The following NOL4L variants were observed in gnomAD, a reference collection of about 807,000 sequenced individuals.
The protein encoded by NOL4L is nucleolar protein 4 like.
In NOL4L, 7 loss-of-function variants were observed where a neutral mutation model predicts 64.5. The observed-to-expected ratio is 0.11, with a 90% CI of 0.06 to 0.20. NOL4L has a LOEUF of 0.20. Among genes scored for constraint, NOL4L ranks in the 10% least tolerant of loss-of-function variants. The pLI is 1.00. For missense variants in NOL4L, 680 were observed against 967.1 expected (o/e 0.70, Z 3.94); for synonymous variants, 413 against 401.0 (o/e 1.03, Z -0.36).
In NOL4L at chr20:32,447,182, GAAGA is replaced by G. The variant is rs2012370163; in HGVS notation, c.*410_*413del. 1 of 463,026 alleles carries G rather than the reference GAAGA, an allele frequency of 2.2e-6. No homozygotes were observed. 28.7% of individuals were successfully genotyped at this position (463,026 alleles called of 1,614,324 possible). Reference sequence around the variant, plus strand: ...GAAAAATAAATTACTAAGGGGAGAGGAAGAAAGGGTCCACTTTGCTTTTCTCAAT... The same window carrying G: ...GAAAAATAAATTACTAAGGGGAGAGGAAGGGTCCACTTTGCTTTTCTCAAT... On this transcript the variant is annotated 3_prime_UTR_variant, in exon 11 of 11. Coordinates refer to ENST00000621426, the MANE Select transcript of NOL4L (RefSeq NM_001256798.2).
rs904954242 is a variant in NOL4L, at chr20:32,468,033, C to T, written c.841+6568G>A. On this transcript the variant is annotated intron_variant, in intron 5 of 10. Coordinates refer to ENST00000621426, the MANE Select transcript of NOL4L (RefSeq NM_001256798.2). The stretch of plus-strand genomic sequence containing the variant: ...GCAGCAGGGGCCAGGAGGTAGGAAG[C>T]CTTGGTCTTCTCACTAAGAGCTCCT... Among the ~76,000 whole-genome samples the T allele has an allele frequency of 2.0e-5, 3 of 152,180 alleles. No homozygotes were observed. In the East Asian group the frequency reaches 5.8e-4, roughly 29 times the overall value.
intron 2 of NOL4L, among the ~76,000 whole-genome samples, chr20:32,526,145 C>T (rs1303477477): frequency 6.6e-6 from 1 of 152,148 alleles, no homozygotes; most frequent in Non-Finnish European, 1.5e-5. Flanking sequence ...CCATCTCAAC[C>T]TTCCAAAGCG....
chr20:32,491,206 G>A (rs1439935520), intron 4 of NOL4L, among the ~76,000 whole-genome samples: 3 of 152,216 alleles, frequency 2.0e-5, no homozygotes, highest in African/African-American at 7.2e-5. Context: ...TGCTGGTCAT[G>A]GGCGGTGTAT....
Position 32,584,868 on chromosome 20 carries a change from A to T in NOL4L, c.23T>A (p.Leu8Gln). The change falls in exon 1 of 11, where the codon CTG (leucine) becomes CAG (glutamine). Residue 8 changes from leucine (L) to glutamine (Q), a missense_variant. Coordinates refer to ENST00000621426, the MANE Select transcript of NOL4L (RefSeq NM_001256798.2). MPKPTLL[L>Q]RGGWERERSP... ...GCGCTCGCGCTCCCAGCCCCCGCGC[A>T]GCAGCAGCGTCGGCTTCGGCATCCT... 7.4e-7 allele frequency: 1 copy of T among 1,359,230 alleles called. No individual in the cohort carries two copies. The highest frequency in any genetic ancestry group is 9.5e-7 in the Non-Finnish European group (1 of 1,047,664). The allele number at this position is 1,359,230 out of a possible 1,614,324, so 84.2% of individuals were successfully genotyped here.
Position 32,585,000 on chromosome 20 carries a change from T to G in NOL4L, c.-110A>C. On this transcript the variant is annotated 5_prime_UTR_variant, in exon 1 of 11. Coordinates refer to ENST00000621426, the MANE Select transcript of NOL4L (RefSeq NM_001256798.2). ...GGCCGGGACGCGCCGCGGCCGCGTC[T>G]GTCCCGCGGTGTGGCTCCGGCGAGG... 1.9e-6 allele frequency: 1 copy of G among 530,554 alleles called. No homozygotes were observed. The highest frequency in any genetic ancestry group is 2.4e-6 in the Non-Finnish European group (1 of 415,902). 32.9% of individuals were successfully genotyped at this position (530,554 alleles called of 1,614,324 possible). A position where few individuals can be genotyped will look rare whatever the true frequency, so the allele number is the denominator to read the frequency against.
intron 1 of NOL4L, among the ~76,000 whole-genome samples, chr20:32,535,266 T>C (rs1000237897): frequency 1.5e-5 from 2 of 133,316 alleles, no homozygotes; most frequent in African/African-American, 2.9e-5. Flanking sequence ...TACTGGGGAC[T>C]GGAAATTGAA....
chr20:32,447,889 C>T (rs2012457971), intron 10 of NOL4L, 73 bp from the exon 11 acceptor site: 1 of 1,508,036 alleles, frequency 6.6e-7, no homozygotes, highest in Non-Finnish European at 8.9e-7. Flanking sequence ...CCTTCCTTGG[C>T]ACTGTCATAA....
At chr20:32,473,322 G>A (rs1005962170) in intron 5 of NOL4L, among the ~76,000 whole-genome samples, 3 of 152,244 alleles carry the variant, frequency 2.0e-5, no homozygotes. Context: ...CAGCTGCTGC[G>A]CTTGTCCCAG....
At chr20:32,474,069 C>T (rs1187055946) in intron 5 of NOL4L, among the ~76,000 whole-genome samples, 2 of 152,226 alleles carry the variant, frequency 1.3e-5, no homozygotes, top group East Asian at 1.9e-4. Flanking sequence ...AGGCCCTGCG[C>T]GGAGGCGGTC....
chr20:32,488,709 C>T (rs1002909045), intron 4 of NOL4L, among the ~76,000 whole-genome samples: 6 of 152,088 alleles, frequency 3.9e-5, no homozygotes, highest in African/African-American at 1.4e-4. Context: ...TTACGGGGCA[C>T]TTGTATTTCT....
At chr20:32,482,944 C>T (rs184590160) in intron 4 of NOL4L, among the ~76,000 whole-genome samples, 1 of 151,586 alleles carries the variant, frequency 6.6e-6, no homozygotes, top group African/African-American at 2.4e-5. Context: ...CGCTGCACAC[C>T]GAGCGGCCGT....
At chr20:32,552,546 G>T (rs990133503) in intron 1 of NOL4L, among the ~76,000 whole-genome samples, 1 of 152,080 alleles carries the variant, frequency 6.6e-6, no homozygotes, top group African/African-American at 2.4e-5. Flanking sequence ...AATTAGCCAG[G>T]CATGGTGGTG....
chr20:32,472,232 C>T (rs2015074953), intron 5 of NOL4L, among the ~76,000 whole-genome samples: 1 of 152,244 alleles, frequency 6.6e-6, no homozygotes, highest in African/African-American at 2.4e-5. Context: ...GGATAACAGA[C>T]ATTCAGCAGG....
intron 5 of NOL4L, among the ~76,000 whole-genome samples, chr20:32,472,850 C>A (rs1267754717): frequency 6.6e-6 from 1 of 152,160 alleles, no homozygotes; most frequent in Non-Finnish European, 1.5e-5. Context: ...TGGTGTCCAT[C>A]AGGAGGGGAA....
chr20:32,469,033 G>A lies in NOL4L; in HGVS notation c.841+5568C>T, dbSNP rs115212295. On this transcript the variant is annotated intron_variant, in intron 5 of 10. Transcript: ENST00000621426. The stretch of plus-strand genomic sequence containing the variant: ...TGGTCTGGGCAAGTTACTTCCCCTC[G>A]GAGACGATGTTTCCTGCCCTGTGGA... 7.6e-3 allele frequency among the ~76,000 whole-genome samples: 1,157 copies of A among 152,178 alleles called. 12 individuals are homozygous for A. The highest frequency in any genetic ancestry group is 0.027 in the African/African-American group (1,108 of 41,524).
intron 4 of NOL4L, among the ~76,000 whole-genome samples, chr20:32,489,626 C>T (rs1315698387): frequency 3.3e-5 from 5 of 152,110 alleles, no homozygotes; most frequent in African/African-American, 1.2e-4. Flanking sequence ...TTGACCTATT[C>T]CTGTCTCAGT....
chr20:32,579,206 C>T (rs1315905835), intron 1 of NOL4L, among the ~76,000 whole-genome samples: 1 of 152,160 alleles, frequency 6.6e-6, no homozygotes, highest in Non-Finnish European at 1.5e-5. Flanking sequence ...ACATAGATGC[C>T]GACAAACACG....
chr20:32,459,248 T>G (rs2013828050), intron 5 of NOL4L, among the ~76,000 whole-genome samples: 1 of 121,676 alleles, frequency 8.2e-6, no homozygotes, highest in South Asian at 2.3e-4. Context: ...ATGGTTTACT[T>G]TTTTTTTTTT....
rs57444583 is a variant in NOL4L, at chr20:32,485,058, C to CAAAAAAAAAAAA, written c.700-10328_700-10317dup. On this transcript the variant is annotated intron_variant, in intron 4 of 10. Transcript: ENST00000621426. ...TCGTGGAATTCTGTGGGGAAATTGC[C>CAAAAAAAAAAAA]AAAAAAAAAAAAAAAAAAAAAAAAA... 4.9e-3 allele frequency among the ~76,000 whole-genome samples: 87 copies of CAAAAAAAAAAAA among 17,804 alleles called. 2 individuals are homozygous for CAAAAAAAAAAAA. Among genetic ancestry groups the CAAAAAAAAAAAA allele is most frequent in the East Asian group, 0.013 (5 of 374 alleles). The allele number at this position is 17,804 out of a possible 152,430, so 11.7% of individuals were successfully genotyped here. A position where few individuals can be genotyped will look rare whatever the true frequency, so the allele number is the denominator to read the frequency against.
Sources: gnomAD v4.1 joint callset for allele counts (sites outside exome capture counted in the v4.1 genomes callset) on GRCh38, gnomAD v4.1.1 for gene constraint, MANE v1.5 for transcripts, NCBI Gene and HGNC (gene_info 2026-07-23, HGNC 2026-07-21) for gene names.